Variants in SEPTIN7 observed in about 807,000 individuals in gnomAD.
The protein encoded by SEPTIN7 is septin-7.
Under a neutral mutation model 63.3 loss-of-function variants are expected in SEPTIN7, and 10 were observed. That is an observed-to-expected ratio of 0.16 (90% CI 0.10 to 0.27). The LOEUF is 0.27. SEPTIN7 is among the 10% of genes least tolerant of loss of function. The pLI is 1.00. For missense variants in SEPTIN7, 310 were observed against 521.0 expected (o/e 0.59, Z 3.94); for synonymous variants, 131 against 165.3 (o/e 0.79, Z 1.59).
chr7:35,851,277 T>G (rs1238728953), intron 3 of SEPTIN7, among the ~76,000 whole-genome samples: 1 of 152,124 alleles, frequency 6.6e-6, no homozygotes, highest in African/African-American at 2.4e-5. Context: ...GAGTAACACC[T>G]TAAATTGTAA....
At chr7:35,899,491 C>A (rs1477300352) in intron 12 of SEPTIN7, 1 of 152,296 alleles carries the variant, frequency 6.6e-6, no homozygotes, top group Non-Finnish European at 1.5e-5. Context: ...ACTGAGATCA[C>A]GTCACTGCAC....
At chr7:35,902,836 G>A in intron 12 of SEPTIN7, 1 of 354,860 alleles carries the variant, frequency 2.8e-6, no homozygotes, top group East Asian at 4.7e-5. Flanking sequence ...TGTTAAGTTT[G>A]TTGCTTTTTT....
chr7:35,822,118 C>T (rs763785125), intron 1 of SEPTIN7, among the ~76,000 whole-genome samples: 2 of 151,152 alleles, frequency 1.3e-5, no homozygotes, highest in Non-Finnish European at 2.9e-5. Flanking sequence ...CTCGCTCTGT[C>T]GCCCAGGCTG....
At chr7:35,866,214 C>A (rs1181873048) in intron 4 of SEPTIN7, among the ~76,000 whole-genome samples, 1 of 152,168 alleles carries the variant, frequency 6.6e-6, no homozygotes, top group Non-Finnish European at 1.5e-5. Flanking sequence ...AACTCTTTTG[C>A]CCACTTACTC....
intron 4 of SEPTIN7, 147 bp from the exon 5 acceptor site, chr7:35,872,519 C>G: frequency 4.8e-6 from 3 of 621,734 alleles, no homozygotes; most frequent in Non-Finnish European, 8.7e-6. Flanking sequence ...ATCATCAATT[C>G]TAAAGGTAAT....
the SEPTIN7 span, among the ~76,000 whole-genome samples, chr7:35,912,583 C>G: frequency 6.6e-6 from 1 of 152,186 alleles, no homozygotes; most frequent in Non-Finnish European, 1.5e-5. Context: ...TTTAATTCCT[C>G]TAGCACCACT....
chr7:35,882,197 T>G (rs1174937711), intron 7 of SEPTIN7, among the ~76,000 whole-genome samples: 1 of 151,942 alleles, frequency 6.6e-6, no homozygotes, highest in East Asian at 1.9e-4. Context: ...AGAAATCCCT[T>G]TCTGGAGTTT....
intron 13 of SEPTIN7, among the ~76,000 whole-genome samples, chr7:35,903,486 C>A (rs1019961712): frequency 1.1e-4 from 16 of 152,146 alleles, no homozygotes; most frequent in Admixed American, 3.3e-4. Flanking sequence ...AACTTACCTT[C>A]ATTGGATTTC....
rs554692491 is a variant in SEPTIN7, at chr7:35,866,796, A to C, written c.276+3138A>C. Among the ~76,000 whole-genome samples the C allele has an allele frequency of 6.6e-5, 10 of 152,286 alleles. No homozygotes were observed. In the East Asian group the frequency reaches 1.9e-3, roughly 29 times the overall value. On this transcript the variant is annotated intron_variant, in intron 4 of 13. Coordinates refer to ENST00000350320, the MANE Select transcript of SEPTIN7 (RefSeq NM_001788.6). ...TCAGGACCCTGAGTTATATCTGTGC[A>C]TTTCCAGATGCGAGCTGACACCAGT... is the stretch of plus-strand genomic sequence containing the variant.
rs188484199 is a variant in SEPTIN7, at chr7:35,837,981, G to A, written c.169+5081G>A. Among the ~76,000 whole-genome samples, 28 of 152,078 alleles carry A rather than the reference G, an allele frequency of 1.8e-4. No individual in the cohort carries two copies. In the East Asian group the frequency reaches 4.8e-3, roughly 26 times the overall value. On this transcript the variant is annotated intron_variant, in intron 3 of 13. Coordinates refer to ENST00000350320, the MANE Select transcript of SEPTIN7 (RefSeq NM_001788.6). ...TGACCTCAGGTGATCCACTTGCCTC[G>A]GCCTCCCAAAGTACTGGGATTACAG...
chr7:35,886,187 A>C (rs1321432267), intron 10 of SEPTIN7, among the ~76,000 whole-genome samples: 1 of 152,196 alleles, frequency 6.6e-6, no homozygotes, highest in Non-Finnish European at 1.5e-5. Flanking sequence ...TCTTAATGTG[A>C]AAACCTTGTG....
chr7:35,837,453 TATA>T (rs1784136255), intron 3 of SEPTIN7, among the ~76,000 whole-genome samples: 1 of 152,242 alleles, frequency 6.6e-6, no homozygotes, highest in African/African-American at 2.4e-5. Context: ...GTATTAATAC[TATA>T]ATAACATCGT....
intron 3 of SEPTIN7, among the ~76,000 whole-genome samples, chr7:35,841,601 A>G (rs1166281952): frequency 6.6e-6 from 1 of 152,202 alleles, no homozygotes; most frequent in Non-Finnish European, 1.5e-5. Context: ...CTCAAGATTG[A>G]TTGGATAGGT....
At chr7:35,820,896 TC>T (rs1246623785) in intron 1 of SEPTIN7, among the ~76,000 whole-genome samples, 2 of 152,222 alleles carry the variant, frequency 1.3e-5, no homozygotes, top group Admixed American at 6.5e-5. Context: ...TTTGCTTAGT[TC>T]CTTTTCGAAC....
At chr7:35,804,735 G>T (rs188691740) in intron 1 of SEPTIN7, among the ~76,000 whole-genome samples, 1 of 151,830 alleles carries the variant, frequency 6.6e-6, no homozygotes, top group African/African-American at 2.4e-5. Flanking sequence ...TATACACCTG[G>T]GCTATATCCT....
At chr7:35,832,923 A>T in intron 3 of SEPTIN7, 23 bp downstream of exon 3, 1 of 1,373,726 alleles carries the variant, frequency 7.3e-7, no homozygotes. Context: ...TTCTTACTAA[A>T]ATGGAACTTT....
At chr7:35,847,088 C>A (rs1784710472) in intron 3 of SEPTIN7, 1 of 188,202 alleles carries the variant, frequency 5.3e-6, no homozygotes. Flanking sequence ...AGTGTCTCTG[C>A]ACACTTACGG....
chr7:35,835,911 C>A (rs1392580759), intron 3 of SEPTIN7, among the ~76,000 whole-genome samples: 1 of 152,086 alleles, frequency 6.6e-6, no homozygotes, highest in African/African-American at 2.4e-5. Context: ...GAAACAGTTA[C>A]CTATTTTAGT....
intron 11 of SEPTIN7, among the ~76,000 whole-genome samples, chr7:35,892,394 T>A (rs929140424): frequency 1.1e-4 from 16 of 152,156 alleles, no homozygotes; most frequent in Non-Finnish European, 2.4e-4. Flanking sequence ...TAAGGACCCA[T>A]CATAGTGAAT....
Sources: allele counts gnomAD v4.1 joint callset (sites outside exome capture counted in the v4.1 genomes callset), GRCh38; gene constraint gnomAD v4.1.1; transcripts MANE v1.5; gene names NCBI Gene and HGNC (gene_info 2026-07-23, HGNC 2026-07-21).